Variants in HOMER2 observed in about 807,000 individuals in gnomAD.
HOMER2 encodes homer protein homolog 2.
Under a neutral mutation model 47.0 loss-of-function variants are expected in HOMER2, and 27 were observed. The ratio of observed to expected loss-of-function variants is 0.57; its 90% CI spans 0.42 to 0.79. HOMER2 has a LOEUF of 0.79. Ranked by LOEUF, HOMER2 falls within the 30% of genes least tolerant of loss-of-function variation. The pLI is 0.00. For synonymous variants in HOMER2, 161 were observed against 163.8 expected, an observed-to-expected ratio of 0.98 and a Z score of 0.13; for missense variants, 443 against 435.0, an observed-to-expected ratio of 1.02 and a Z score of -0.16.
At chr15:82,941,546 A>G (rs1255020929) in intron 1 of HOMER2, among the ~76,000 whole-genome samples, 4 of 151,514 alleles carry the variant, frequency 2.6e-5, no homozygotes, top group Non-Finnish European at 5.9e-5. Flanking sequence ...CATACAGTAT[A>G]GTGCGCTCCT....
At chr15:82,874,688 A>G (rs897453167) in intron 3 of HOMER2, among the ~76,000 whole-genome samples, 3 of 152,238 alleles carry the variant, frequency 2.0e-5, no homozygotes, top group Non-Finnish European at 4.4e-5. Context: ...GTCCAAGCTA[A>G]GCGCTTCCAT....
At chr15:82,866,008 TG>T (rs1265145056) in intron 3 of HOMER2, among the ~76,000 whole-genome samples, 1 of 152,162 alleles carries the variant, frequency 6.6e-6, no homozygotes, top group Non-Finnish European at 1.5e-5. Flanking sequence ...CACTGTCTAG[TG>T]GAGCTGTGAG....
intron 6 of HOMER2, among the ~76,000 whole-genome samples, chr15:82,853,401 T>G (rs2051462612): frequency 6.6e-6 from 1 of 152,186 alleles, no homozygotes; most frequent in Non-Finnish European, 1.5e-5. Flanking sequence ...AAGTCAGCAA[T>G]TGGCCTGGTG....
At chr15:82,882,068 C>A (rs561339569) in intron 2 of HOMER2, among the ~76,000 whole-genome samples, 2 of 152,192 alleles carry the variant, frequency 1.3e-5, no homozygotes, top group Admixed American at 1.3e-4. Context: ...TGGAGTTGGC[C>A]GTTCTGCCTA....
chr15:82,944,337 C>G (rs527907600), intron 1 of HOMER2, among the ~76,000 whole-genome samples: 1 of 152,242 alleles, frequency 6.6e-6, no homozygotes, highest in South Asian at 2.1e-4. Context: ...TCTGTGTGCA[C>G]AATACCTAGA....
At chr15:82,862,210 A>T (rs558223401) in intron 4 of HOMER2, among the ~76,000 whole-genome samples, 1 of 152,268 alleles carries the variant, frequency 6.6e-6, no homozygotes, top group South Asian at 2.1e-4. Context: ...GCCTTAAAAA[A>T]ATACATACAA....
intron 1 of HOMER2, among the ~76,000 whole-genome samples, chr15:82,959,766 G>A (rs2054615354): frequency 1.3e-5 from 2 of 152,188 alleles, no homozygotes; most frequent in Non-Finnish European, 2.9e-5. Context: ...AGAAGTAGGT[G>A]TGATACCCAG....
rs776019941 is a variant in HOMER2 at position 82,859,205 on chromosome 15, G to T, written c.388-70C>A. The T allele has an allele frequency of 2.4e-5, 39 of 1,605,162 alleles. No homozygotes were observed. The South Asian group carries it at 4.0e-4, about 16-fold the overall frequency. On this transcript the variant is annotated intron_variant, in intron 4 of 8. Coordinates refer to ENST00000450735, the MANE Select transcript of HOMER2 (RefSeq NM_004839.4). ...GAATTATCTTCACACGTTATTGCTT[G>T]TCTGCACATCGGCAGCAAGTTAGGC... is the stretch of plus-strand genomic sequence containing the variant.
At chr15:82,854,999 G>A (rs1596303410) in intron 5 of HOMER2, among the ~76,000 whole-genome samples, 199 bp from the exon 6 acceptor site, 3 of 152,302 alleles carry the variant, frequency 2.0e-5, no homozygotes, top group Admixed American at 2.0e-4. Flanking sequence ...GTGTGAACAT[G>A]TCATCCTGTG....
rs887192678 is a variant in HOMER2 at position 82,865,574 on chromosome 15, A to G, written c.295-1315T>C. Among the ~76,000 whole-genome samples, 3 of 152,358 alleles carry G rather than the reference A, an allele frequency of 2.0e-5. No homozygotes were observed. In the East Asian group the frequency reaches 5.8e-4, roughly 29 times the overall value. ...GTTTACATTCAAACATGTGAGAATC[A>G]AAAAGAAAATTTCAGACAGTAAGCT... is the stretch of plus-strand genomic sequence containing the variant. On this transcript the variant is annotated intron_variant, in intron 3 of 8. Transcript: ENST00000450735.
chr15:82,888,861 G>A lies in HOMER2; in HGVS notation c.162+3824C>T, dbSNP rs1437812587. On this transcript the variant is annotated intron_variant, in intron 2 of 8. Coordinates refer to ENST00000450735, the MANE Select transcript of HOMER2 (RefSeq NM_004839.4). ...TGCAGAAATCACCGTCTTCTGCGTCGCTCACGCTGGGAGCTGTAGACCGGA... is the reference window on the plus strand; with the variant it reads ...TGCAGAAATCACCGTCTTCTGCGTCACTCACGCTGGGAGCTGTAGACCGGA... 3.1e-4 allele frequency among the ~76,000 whole-genome samples: 9 copies of A among 28,600 alleles called. 3 individuals carry two copies. Among genetic ancestry groups the A allele is most frequent in the Non-Finnish European group, 4.7e-4 (7 of 14,950 alleles). 18.8% of individuals were successfully genotyped at this position (28,600 alleles called of 152,430 possible).
intron 1 of HOMER2, among the ~76,000 whole-genome samples, chr15:82,940,042 G>T (rs1026003064): frequency 6.6e-6 from 1 of 152,134 alleles, no homozygotes; most frequent in African/African-American, 2.4e-5. Flanking sequence ...ACAGGGTGGG[G>T]AACATCACAC....
chr15:82,945,612 GT>G (rs975924517), intron 1 of HOMER2, among the ~76,000 whole-genome samples: 1 of 151,622 alleles, frequency 6.6e-6, no homozygotes, highest in Non-Finnish European at 1.5e-5. Context: ...TAAACATGTA[GT>G]TTTTTTATAA....
chr15:82,969,524 G>A (rs767113591), intron 1 of HOMER2, among the ~76,000 whole-genome samples: 32 of 152,038 alleles, frequency 2.1e-4, no homozygotes, highest in Admixed American at 6.6e-4. Context: ...CTCTTTCTTC[G>A]TCCTCTAAGC....
chr15:82,946,613 C>A (rs762699030), intron 1 of HOMER2, among the ~76,000 whole-genome samples: 10 of 152,054 alleles, frequency 6.6e-5, no homozygotes, highest in Non-Finnish European at 8.8e-5. Context: ...TAACTGGATC[C>A]CCATCTAAAA....
downstream of HOMER2, among the ~76,000 whole-genome samples, chr15:82,836,582 C>CCT (rs1254072181): frequency 6.6e-6 from 1 of 152,238 alleles, no homozygotes; most frequent in Non-Finnish European, 1.5e-5. Flanking sequence ...TCTTCTCTGA[C>CCT]CTCTCTCTCC....
intron 1 of HOMER2, among the ~76,000 whole-genome samples, chr15:82,948,971 T>A (rs1311151722): frequency 6.6e-6 from 1 of 151,894 alleles, no homozygotes; most frequent in African/African-American, 2.4e-5. Flanking sequence ...GTGGCTAGAG[T>A]GGGAACTATG....
At chr15:82,979,036 T>C (rs1320457981) in intron 1 of HOMER2, among the ~76,000 whole-genome samples, 1 of 152,366 alleles carries the variant, frequency 6.6e-6, no homozygotes, top group East Asian at 1.9e-4. Flanking sequence ...GACAGTTTTA[T>C]AAGGGGCTTC....
intron 2 of HOMER2, among the ~76,000 whole-genome samples, chr15:82,880,705 T>G (rs1471815499): frequency 6.6e-6 from 1 of 152,028 alleles, no homozygotes; most frequent in African/African-American, 2.4e-5. Context: ...GCTGGACCTG[T>G]GGGTTCTGGC....
Sources: allele counts gnomAD v4.1 joint callset (sites outside exome capture counted in the v4.1 genomes callset), GRCh38; gene constraint gnomAD v4.1.1; transcripts MANE v1.5; gene names NCBI Gene and HGNC (gene_info 2026-07-23, HGNC 2026-07-21).